The following KIF26B variants were observed in gnomAD, a reference collection of about 807,000 sequenced individuals.
KIF26B encodes the protein kinesin family member 26B.
KIF26B carries 63 observed loss-of-function variants against 151.2 expected under a neutral mutation model. That is an observed-to-expected ratio of 0.42 (90% CI 0.34 to 0.51). The LOEUF (loss-of-function observed/expected upper bound fraction) is 0.51, where lower values mean the gene tolerates loss of function less well. KIF26B is among the 20% of genes least tolerant of loss of function. The pLI is 0.07. For missense variants in KIF26B, 2,813 were observed against 2,913.6 expected (o/e 0.97, Z 0.79); for synonymous variants, 1,357 against 1,262.1 (o/e 1.08, Z -1.59).
At chr1:245,462,400 G>A (rs1339380965) in intron 4 of KIF26B, among the ~76,000 whole-genome samples, 1 of 152,194 alleles carries the variant, frequency 6.6e-6, no homozygotes, top group South Asian at 2.1e-4. Context: ...TCTACAATGT[G>A]CTAAAGTCGA....
At chr1:245,293,838 A>G (rs1210905001) in intron 2 of KIF26B, among the ~76,000 whole-genome samples, 1 of 152,172 alleles carries the variant, frequency 6.6e-6, no homozygotes, top group Non-Finnish European at 1.5e-5. Context: ...TCGGCCTCCC[A>G]AAGTGCTGGG....
At chr1:245,420,444 G>C (rs999070619) in intron 4 of KIF26B, among the ~76,000 whole-genome samples, 5 of 152,194 alleles carry the variant, frequency 3.3e-5, no homozygotes, top group African/African-American at 4.8e-5. Flanking sequence ...GACCAGGAAG[G>C]TTCAACTAGG....
intron 2 of KIF26B, among the ~76,000 whole-genome samples, chr1:245,260,330 T>C (rs1309915940): frequency 6.6e-6 from 1 of 152,168 alleles, no homozygotes; most frequent in Non-Finnish European, 1.5e-5. Context: ...AGTGCAGTAC[T>C]GAGATATGGA....
intron 5 of KIF26B, among the ~76,000 whole-genome samples, chr1:245,592,849 A>G (rs2103137983): frequency 6.6e-6 from 1 of 152,330 alleles, no homozygotes; most frequent in South Asian, 2.1e-4. Context: ...GGGTCCTTTC[A>G]GGCATGGGTC....
At chr1:245,641,875 A>G (rs2043895600) in intron 9 of KIF26B, among the ~76,000 whole-genome samples, 1 of 151,584 alleles carries the variant, frequency 6.6e-6, no homozygotes, top group South Asian at 2.1e-4. Flanking sequence ...TGACGCTTGA[A>G]GTATGATGAT....
intron 2 of KIF26B, among the ~76,000 whole-genome samples, chr1:245,162,447 G>A (rs187119582): frequency 7.8e-5 from 10 of 128,356 alleles, no homozygotes; most frequent in African/African-American, 2.6e-4. Context: ...GTACAGTGGC[G>A]TGATCTCGGC....
chr1:245,297,403 CAG>C (rs1671358322), intron 2 of KIF26B, among the ~76,000 whole-genome samples: 2 of 152,236 alleles, frequency 1.3e-5, no homozygotes, highest in Admixed American at 1.3e-4. Flanking sequence ...AACTGAAATT[CAG>C]AGAGGCCAGG....
chr1:245,585,780 C>G (rs1307864691), intron 5 of KIF26B, among the ~76,000 whole-genome samples: 1 of 152,124 alleles, frequency 6.6e-6, no homozygotes, highest in Non-Finnish European at 1.5e-5. Flanking sequence ...AATAAATATT[C>G]ATTTGTTGGT....
Position 245,540,583 on chromosome 1 carries a change from T to C in KIF26B, c.1167-184T>C. 1 of 726,500 alleles carries C rather than the reference T, an allele frequency of 1.4e-6. No individual in the cohort carries two copies. 45.0% of individuals were successfully genotyped at this position (726,500 alleles called of 1,614,324 possible). On this transcript the variant is annotated intron_variant, in intron 4 of 14. Transcript: ENST00000407071. This position sits in a 1 kb window ranked among gnomAD's most constrained non-coding sequence, Gnocchi z 4.6. The stretch of plus-strand genomic sequence containing the variant: ...GTTTTTCCTTTTGTCGTATAAATGA[T>C]TGGGTAGCTCGTTAACTTCACTCTG...
intron 5 of KIF26B, among the ~76,000 whole-genome samples, chr1:245,543,746 G>C (rs756135820): frequency 1.3e-5 from 2 of 152,104 alleles, no homozygotes; most frequent in East Asian, 3.9e-4. Flanking sequence ...TCAGGGGTTC[G>C]AGACCAGCCT....
At position 245,455,374 on chromosome 1, in the gene KIF26B, C is replaced by T. The variant is rs180898230; in HGVS notation, c.1166+35629C>T. 2.5e-3 allele frequency among the ~76,000 whole-genome samples: 384 copies of T among 152,104 alleles called. 2 individuals carry two copies. Among genetic ancestry groups the T allele is most frequent in the Non-Finnish European group, 9.1e-4 (62 of 67,990 alleles). On this transcript the variant is annotated intron_variant, in intron 4 of 14. Coordinates refer to ENST00000407071, the MANE Select transcript of KIF26B (RefSeq NM_018012.4). The stretch of plus-strand genomic sequence containing the variant: ...CAAAAATTAGCTGGGGATGGTTACA[C>T]GTGCCTATAGTCCCAGCTACTCGGG...
chr1:245,386,947 C>G (rs1399806399), intron 3 of KIF26B, among the ~76,000 whole-genome samples: 1 of 152,128 alleles, frequency 6.6e-6, no homozygotes, highest in Admixed American at 6.5e-5. Flanking sequence ...GCAGGTCACA[C>G]TGGGGACATG....
intron 7 of KIF26B, among the ~76,000 whole-genome samples, chr1:245,608,366 A>G (rs1458007275): frequency 1.3e-5 from 2 of 152,192 alleles, no homozygotes; most frequent in Non-Finnish European, 2.9e-5. Flanking sequence ...AGGAGCTTCA[A>G]AAACTGTCCC....
chr1:245,228,322 C>G (rs917718048), intron 2 of KIF26B, among the ~76,000 whole-genome samples: 1 of 152,108 alleles, frequency 6.6e-6, no homozygotes, highest in Non-Finnish European at 1.5e-5. Flanking sequence ...TCCCATGTAT[C>G]CTTAGTTGCC....
chr1:245,219,818 C>T (rs1432720189), intron 2 of KIF26B, among the ~76,000 whole-genome samples: 4 of 152,204 alleles, frequency 2.6e-5, no homozygotes, highest in Admixed American at 6.5e-5. Context: ...CACTGCCTCT[C>T]CTGCCAGCTC....
At chr1:245,689,236 C>T (rs1260928645) in intron 12 of KIF26B, among the ~76,000 whole-genome samples, 1 of 152,230 alleles carries the variant, frequency 6.6e-6, no homozygotes, top group East Asian at 1.9e-4. Context: ...CCCTGCCCCT[C>T]TGTTCAACAA....
chr1:245,416,574 G>A (rs1029386242), intron 3 of KIF26B, among the ~76,000 whole-genome samples: 3 of 152,126 alleles, frequency 2.0e-5, no homozygotes, highest in Non-Finnish European at 4.4e-5. Context: ...AACCGAAGTG[G>A]AGATACTGAG....
At chr1:245,690,191 AT>A (rs1380003203) in intron 12 of KIF26B, among the ~76,000 whole-genome samples, 7 of 152,226 alleles carry the variant, frequency 4.6e-5, no homozygotes, top group Non-Finnish European at 8.8e-5. Flanking sequence ...TTAAAAAAAA[AT>A]AAATGAAATT....
Position 245,362,552 on chromosome 1 carries a change from T to A in KIF26B, c.466-4282T>A, listed in dbSNP as rs555264347. Among the ~76,000 whole-genome samples, 95 of 143,058 alleles carry A rather than the reference T, an allele frequency of 6.6e-4. 2 individuals carry two copies. In the South Asian group the frequency reaches 0.018, roughly 27 times the overall value. The allele number at this position is 143,058 out of a possible 152,430, so 93.9% of individuals were successfully genotyped here. On this transcript the variant is annotated intron_variant, in intron 2 of 14. Transcript: ENST00000407071. ...ACTCCATCTCAAAAAAAAAAAAAAA[T>A]TTTCCTGAGGAAGAAGTAGCATCCC...
Sources: gnomAD v4.1 joint callset for allele counts (sites outside exome capture counted in the v4.1 genomes callset) on GRCh38, gnomAD v4.1.1 for gene constraint, Gnocchi (gnomAD v3.1) non-coding constraint, MANE v1.5 for transcripts, NCBI Gene and HGNC (gene_info 2026-07-23, HGNC 2026-07-21) for gene names.